SDC4: variants seen among roughly 807,000 people sequenced by gnomAD.
The protein encoded by SDC4 is syndecan 4, also known as syndecan-4.
A neutral mutation model predicts 20.5 loss-of-function variants in SDC4; 17 were observed. That is an observed-to-expected ratio of 0.83 (90% CI 0.57 to 1.25). The LOEUF is 1.25. Among genes scored for constraint, SDC4 ranks in the 50% most tolerant of loss-of-function variants. The pLI, the probability that SDC4 is intolerant of heterozygous loss-of-function variation, is 0.00. For missense variants in SDC4, 241 were observed against 252.3 expected, an observed-to-expected ratio of 0.96 and a Z score of 0.30; for synonymous variants, 107 against 105.3, an observed-to-expected ratio of 1.02 and a Z score of -0.10.
rs531630929 is a variant in SDC4, at chr20:45,328,823, CA to C, written c.446-1409del. On this transcript the variant is annotated intron_variant, in intron 4 of 4. Coordinates refer to ENST00000372733, the MANE Select transcript of SDC4 (RefSeq NM_002999.4). ...TGGGTAAAATCCTATGAAAAAGCAA[CA>C]AAAAAGTACCCCCAGGAGGTGCCAG... Among the ~76,000 whole-genome samples, 13 of 152,212 alleles carry C rather than the reference CA, an allele frequency of 8.5e-5. No individual in the cohort carries two copies. In the South Asian group the frequency reaches 2.5e-3, roughly 29 times the overall value.
At chr20:45,344,262 G>A (rs948741301) in intron 1 of SDC4, among the ~76,000 whole-genome samples, 7 of 151,654 alleles carry the variant, frequency 4.6e-5, no homozygotes, top group South Asian at 2.1e-4. Flanking sequence ...GTGAAAGTGC[G>A]GGACCTAGTA....
At position 45,330,376 on chromosome 20, in the gene SDC4, C is replaced by G; in HGVS notation, c.435G>C (p.Glu145Asp). 1.2e-6 allele frequency: 2 copies of G among 1,614,080 alleles called. No individual in the cohort carries two copies. Among genetic ancestry groups the G allele is most frequent in the Non-Finnish European group, 1.7e-6 (2 of 1,180,024 alleles). ...VQGSNIFERT[E>D]VLAALIVGGI... ...AGCATGGGGACTTACCTGCCAGGAC[C>G]TCCGTTCTCTCAAAGATGTTGCTGC... The change falls in exon 4 of 5, where the codon GAG (glutamate) becomes GAC (aspartate). Residue 145 changes from glutamate to aspartate, a missense_variant. By Grantham distance (45) the Glu-to-Asp change is conservative. Coordinates refer to ENST00000372733, the MANE Select transcript of SDC4 (RefSeq NM_002999.4).
chr20:45,328,018 T>C (rs543235754), intron 4 of SDC4, among the ~76,000 whole-genome samples: 7 of 152,318 alleles, frequency 4.6e-5, no homozygotes, highest in African/African-American at 1.7e-4. Context: ...TGCAACAGTC[T>C]AGCACTAACT....
intron 1 of SDC4, among the ~76,000 whole-genome samples, chr20:45,341,098 G>A (rs1208632941): frequency 6.6e-6 from 1 of 152,176 alleles, no homozygotes; most frequent in African/African-American, 2.4e-5. Context: ...AGGGTGATGA[G>A]GATTAAGAGG....
rs1039337434 is a variant in SDC4 at position 45,327,115 on chromosome 20, T to C, written c.*149A>G. ...AACCTGGCAGAACAGTAGAAGACAA[T>C]GTCTCTTCTGAACACTTCAAAGGTA... On this transcript the variant is annotated 3_prime_UTR_variant, in exon 5 of 5. Transcript: ENST00000372733. 6.8e-6 allele frequency: 5 copies of C among 732,916 alleles called. No homozygotes were observed. The highest frequency in any genetic ancestry group is 1.1e-5 in the Non-Finnish European group (5 of 469,138). The allele number at this position is 732,916 out of a possible 1,614,324, so 45.4% of individuals were successfully genotyped here. A position where few individuals can be genotyped will look rare whatever the true frequency, so the allele number is the denominator to read the frequency against.
chr20:45,337,690 G>A (rs1987893248), intron 1 of SDC4, among the ~76,000 whole-genome samples: 1 of 152,198 alleles, frequency 6.6e-6, no homozygotes, highest in Admixed American at 6.5e-5. Flanking sequence ...AGCCACTCCT[G>A]TACTCTCCCC....
Position 45,326,239 on chromosome 20 carries a change from T to C in SDC4, c.*1025A>G, listed in dbSNP as rs1987685188. 2 of 151,878 alleles carry C rather than the reference T, an allele frequency of 1.3e-5. No individual in the cohort carries two copies. The highest frequency in any genetic ancestry group is 4.8e-5 in the African/African-American group (2 of 41,372). 9.4% of individuals were successfully genotyped at this position (151,878 alleles called of 1,614,324 possible). On this transcript the variant is annotated 3_prime_UTR_variant, in exon 5 of 5. Transcript: ENST00000372733. ...AAAACTATGTTTCGGCAAAAGCTAT[T>C]TTATAAGAGGAAGCAGCTTCAGAAA...
chr20:45,335,920 T>C lies in SDC4; in HGVS notation c.61A>G (p.Ile21Val). The change falls in exon 2 of 5, where the codon ATC becomes GTC. Residue 21 changes from isoleucine (I) to valine (V), a missense_variant and splice_region_variant. Transcript: ENST00000372733. ...GGGTCGATGACCTCAGTCTCTCGGA[T>C]CTAAGATAAAGAAAGGAGACACATC... ...LFFVGGVAES[I>V]RETEVIDPQD... is the part of the protein sequence containing the mutation. 1.2e-6 allele frequency: 2 copies of C among 1,610,976 alleles called. No individual in the cohort carries two copies. The highest frequency in any genetic ancestry group is 1.7e-6 in the Non-Finnish European group (2 of 1,179,784).
chr20:45,346,168 A>T (rs918401291), intron 1 of SDC4, among the ~76,000 whole-genome samples: 1 of 152,096 alleles, frequency 6.6e-6, no homozygotes, highest in Non-Finnish European at 1.5e-5. Flanking sequence ...ACTTTTCTCT[A>T]CCTGCAAAAA....
chr20:45,336,017 A>G lies in SDC4; in HGVS notation c.61-97T>C, dbSNP rs374747318. ...TGAAGTGGGCATTCAGAAACTAGAA[A>G]GAGACCAGGCCAGGGCCTGGAGACC... On this transcript the variant is annotated intron_variant, in intron 1 of 4. Transcript: ENST00000372733. The G allele has an allele frequency of 1.6e-5, 22 of 1,394,750 alleles. 1 individual carries two copies. The highest frequency in any genetic ancestry group is 1.9e-4 in the Middle Eastern group (1 of 5,364). The allele number at this position is 1,394,750 out of a possible 1,614,324, so 86.4% of individuals were successfully genotyped here.
At chr20:45,337,692 A>T (rs1298971303) in intron 1 of SDC4, among the ~76,000 whole-genome samples, 1 of 151,774 alleles carries the variant, frequency 6.6e-6, no homozygotes, top group East Asian at 1.9e-4. Flanking sequence ...CCACTCCTGT[A>T]CTCTCCCCAC....
At chr20:45,329,047 G>A (rs7269592) in intron 4 of SDC4, among the ~76,000 whole-genome samples, 47 of 152,282 alleles carry the variant, frequency 3.1e-4, no homozygotes, top group African/African-American at 1.1e-3. Flanking sequence ...TGTGACTTCG[G>A]ATAAGTTCTT....
At position 45,327,325 on chromosome 20, in the gene SDC4, C is replaced by T; in HGVS notation, c.536G>A (p.Ser179Asn). 2 of 1,614,222 alleles carry T rather than the reference C, an allele frequency of 1.2e-6. No homozygotes were observed. The highest frequency in any genetic ancestry group is 1.7e-6 in the Non-Finnish European group (2 of 1,180,044). ...MYRMKKKDEGSYDLGKKPIYK... is the reference protein window; with the variant it reads ...MYRMKKKDEGNYDLGKKPIYK... The stretch of plus-strand genomic sequence containing the variant: ...GATGGGTTTCTTGCCCAGGTCATAG[C>T]TGCCTTCATCCTTCTTCTTCATACG... The change falls in exon 5 of 5, where the codon AGC becomes AAC. Residue 179 changes from serine (S) to asparagine (N), a missense_variant. Physicochemically the swap from Ser to Asn is conservative, Grantham distance 46. Transcript: ENST00000372733.
chr20:45,333,128 C>G, intron 2 of SDC4, 59 bp from the exon 3 acceptor site: 11 of 1,515,310 alleles, frequency 7.3e-6, no homozygotes, highest in Non-Finnish European at 1.0e-5. Context: ...ATGACCCCTT[C>G]AGCCAGGACT....
intron 1 of SDC4, chr20:45,345,899 G>A (rs185166857): frequency 3.2e-4 from 48 of 152,326 alleles, no homozygotes; most frequent in African/African-American, 1.1e-3. Context: ...CCAAAATATG[G>A]GGGTGGTAAG....
intron 2 of SDC4, among the ~76,000 whole-genome samples, chr20:45,333,833 GTC>G (rs1987818592): frequency 6.6e-6 from 1 of 151,464 alleles, no homozygotes; most frequent in Admixed American, 6.6e-5. Context: ...ATTTTCAATA[GTC>G]TCTTACTGTT....
chr20:45,330,073 A>G (rs773371358), intron 4 of SDC4, among the ~76,000 whole-genome samples: 2 of 152,240 alleles, frequency 1.3e-5, no homozygotes, highest in Non-Finnish European at 2.9e-5. Context: ...AAACTTATAC[A>G]GTGAAAGTCC....
chr20:45,330,157 T>G (rs1440390457), intron 4 of SDC4, among the ~76,000 whole-genome samples: 1 of 152,168 alleles, frequency 6.6e-6, no homozygotes, highest in African/African-American at 2.4e-5. Context: ...CTTTGATAGG[T>G]GCTTTTTCCT....
At chr20:45,343,348 G>A (rs1987982316) in intron 1 of SDC4, among the ~76,000 whole-genome samples, 1 of 152,016 alleles carries the variant, frequency 6.6e-6, no homozygotes, top group Non-Finnish European at 1.5e-5. Context: ...ACCCCTCAAA[G>A]TGCTATTTGC....
Sources: gnomAD v4.1 joint callset for allele counts (sites outside exome capture counted in the v4.1 genomes callset) on GRCh38, gnomAD v4.1.1 for gene constraint, MANE v1.5 for transcripts, NCBI Gene and HGNC (gene_info 2026-07-23, HGNC 2026-07-21) for gene names.